PMEPA1: variants seen among roughly 807,000 people sequenced by gnomAD.
The protein encoded by PMEPA1 is prostate transmembrane protein, androgen induced 1, also known as protein TMEPAI.
In PMEPA1, 11 loss-of-function variants were observed where a neutral mutation model predicts 23.0. The ratio of observed to expected loss-of-function variants is 0.48; its 90% CI spans 0.30 to 0.79. PMEPA1 has a LOEUF of 0.79. Among genes scored for constraint, PMEPA1 ranks in the 30% least tolerant of loss-of-function variants. PMEPA1 has a pLI of 0.06. For synonymous variants in PMEPA1, 204 were observed against 166.4 expected, an observed-to-expected ratio of 1.23 and a Z score of -1.74; for missense variants, 377 against 390.9, an observed-to-expected ratio of 0.96 and a Z score of 0.30.
chr20:57,698,386 C>T (rs2071969280), intron 1 of PMEPA1, among the ~76,000 whole-genome samples: 1 of 152,186 alleles, frequency 6.6e-6, no homozygotes, highest in African/African-American at 2.4e-5. Context: ...CTTCTAAGCT[C>T]AGCCCCATAT....
intron 1 of PMEPA1, among the ~76,000 whole-genome samples, chr20:57,673,113 CCT>C (rs10581621): frequency 0.2 from 31,098 of 152,130 alleles, 3,271 homozygotes; most frequent in South Asian, 0.27. Flanking sequence ...ACCAATTGCC[CCT>C]GACTGTGGTC....
At chr20:57,667,676 C>T (rs1157512011) in intron 1 of PMEPA1, among the ~76,000 whole-genome samples, 5 of 152,218 alleles carry the variant, frequency 3.3e-5, no homozygotes, top group African/African-American at 7.2e-5. Flanking sequence ...TAGGAATTGG[C>T]GCTGTCTGAA....
At chr20:57,668,163 G>A (rs1482433179) in intron 1 of PMEPA1, among the ~76,000 whole-genome samples, 1 of 152,160 alleles carries the variant, frequency 6.6e-6, no homozygotes, top group African/African-American at 2.4e-5. Context: ...CCCATGTTGG[G>A]GAGGGACGCT....
chr20:57,673,249 C>T (rs2071593640), intron 1 of PMEPA1, among the ~76,000 whole-genome samples: 2 of 152,096 alleles, frequency 1.3e-5, no homozygotes, highest in Non-Finnish European at 2.9e-5. Context: ...GCTGCCCATT[C>T]TCGGTGGCCT....
chr20:57,684,724 T>C (rs1325036376), intron 1 of PMEPA1, among the ~76,000 whole-genome samples: 5 of 152,202 alleles, frequency 3.3e-5, no homozygotes, highest in African/African-American at 9.7e-5. Flanking sequence ...CAACTAGCCC[T>C]GATATTTTCA....
chr20:57,672,784 G>A (rs928605360), intron 1 of PMEPA1, among the ~76,000 whole-genome samples: 4 of 152,130 alleles, frequency 2.6e-5, no homozygotes, highest in African/African-American at 4.8e-5. Context: ...AACACTCAGC[G>A]GAGTAGCTTA....
chr20:57,652,997 T>A lies in PMEPA1; in HGVS notation c.318+36A>T. 1 of 1,552,288 alleles carries A rather than the reference T, an allele frequency of 6.4e-7. No individual in the cohort carries two copies. Among genetic ancestry groups the A allele is most frequent in the East Asian group, 2.3e-5 (1 of 43,206 alleles). On this transcript the variant is annotated intron_variant, in intron 3 of 3. Coordinates refer to ENST00000341744, the MANE Select transcript of PMEPA1 (RefSeq NM_020182.5). This position sits in a 1 kb window ranked among gnomAD's most constrained non-coding sequence, Gnocchi z 6.1. ...GCAGCGGGAGCAGCCCAGGGTGGGA[T>A]GGGGGTGTTGGAGGGGAGGCCGAGG...
At chr20:57,660,390 C>T (rs1159109947) in intron 1 of PMEPA1, among the ~76,000 whole-genome samples, 1 of 151,214 alleles carries the variant, frequency 6.6e-6, no homozygotes, top group African/African-American at 2.4e-5. Flanking sequence ...CCTAAGTACA[C>T]GTCAACACCA....
At chr20:57,708,919 C>T (rs1271437288) in intron 1 of PMEPA1, among the ~76,000 whole-genome samples, 2 of 152,050 alleles carry the variant, frequency 1.3e-5, no homozygotes, top group African/African-American at 2.4e-5. Flanking sequence ...GACTCAGACC[C>T]CCAGACACCC....
chr20:57,648,757 AAAC>A lies in PMEPA1; in HGVS notation c.*3293_*3295del, dbSNP rs1409223672. On this transcript the variant is annotated 3_prime_UTR_variant, in exon 4 of 4. Transcript: ENST00000341744. ...GCAAGATTTCAAGCAGTTTCCAGAA[AAAC>A]AACAACAACGACATTTTCTTTCCTT... 7.2e-5 allele frequency: 11 copies of A among 152,000 alleles called. No homozygotes were observed. In the East Asian group the frequency reaches 9.6e-4, roughly 13 times the overall value. 9.4% of individuals were successfully genotyped at this position (152,000 alleles called of 1,614,324 possible).
In PMEPA1 at chr20:57,652,536, C is replaced by T; in HGVS notation, c.381G>A (p.Arg127=). ...TGGGCTGGAAGCGGTGGAAGCGCTC[C>T]CGCTGGGCGAAGGGCGGCACGGCCA... ...DRLAVPPFAQ[R]ERFHRFQPTY... is the part of the protein sequence containing the mutation. Residue 127 remains arginine, a synonymous_variant, in exon 4 of 4, where the codon CGG becomes CGA. Coordinates refer to ENST00000341744, the MANE Select transcript of PMEPA1 (RefSeq NM_020182.5). The surrounding 1 kb of genome is among the most constrained non-coding windows in gnomAD (Gnocchi z 6.1). 6.4e-7 allele frequency: 1 copy of T among 1,553,966 alleles called. No individual in the cohort carries two copies. The highest frequency in any genetic ancestry group is 1.2e-5 in the South Asian group (1 of 81,240).
At chr20:57,689,251 T>C (rs2071843653) in intron 1 of PMEPA1, among the ~76,000 whole-genome samples, 3 of 152,078 alleles carry the variant, frequency 2.0e-5, no homozygotes, top group Non-Finnish European at 4.4e-5. Context: ...ACCCACCCCC[T>C]CTCTTCTATC....
chr20:57,688,348 T>TGTGGGGTGGA (rs113547402), intron 1 of PMEPA1, among the ~76,000 whole-genome samples: 95,079 of 151,286 alleles, frequency 0.63, 31,642 homozygotes, highest in African/African-American at 0.86. Context: ...GACACTTCTT[T>TGTGGGGTGGA]GTGGGGTGGG....
In PMEPA1 at chr20:57,652,763, GC is replaced by G. The variant is rs1901469740; in HGVS notation, c.319-166del. ...GAGCCCAGAGCCTGATCCCGCGGGG[GC>G]CCTGGCCTGGGGGGCAGCACTGCAG... On this transcript the variant is annotated intron_variant, in intron 3 of 3. Coordinates refer to ENST00000341744, the MANE Select transcript of PMEPA1 (RefSeq NM_020182.5). This position sits in a 1 kb window ranked among gnomAD's most constrained non-coding sequence, Gnocchi z 6.1. Among the ~76,000 whole-genome samples, 1 of 152,178 alleles carries G rather than the reference GC, an allele frequency of 6.6e-6. No individual in the cohort carries two copies. The highest frequency in any genetic ancestry group is 2.4e-5 in the African/African-American group (1 of 41,444).
chr20:57,652,933 C>T lies in PMEPA1; in HGVS notation c.318+100G>A, dbSNP rs1477257867. The T allele has an allele frequency of 5.1e-6, 5 of 986,178 alleles. No homozygotes were observed. The highest frequency in any genetic ancestry group is 2.6e-5 in the East Asian group (1 of 38,406). 61.1% of individuals were successfully genotyped at this position (986,178 alleles called of 1,614,324 possible). A position where few individuals can be genotyped will look rare whatever the true frequency, so the allele number is the denominator to read the frequency against. On this transcript the variant is annotated intron_variant, in intron 3 of 3. Coordinates refer to ENST00000341744, the MANE Select transcript of PMEPA1 (RefSeq NM_020182.5). This position sits in a 1 kb window ranked among gnomAD's most constrained non-coding sequence, Gnocchi z 6.1. ...GCAGCAAGGGCACTGCAGAGGAGGGCGGAGGGGTGAGCCTTTAGCAGCCCA... is the reference window on the plus strand; with the variant it reads ...GCAGCAAGGGCACTGCAGAGGAGGGTGGAGGGGTGAGCCTTTAGCAGCCCA...
intron 1 of PMEPA1, among the ~76,000 whole-genome samples, chr20:57,688,525 G>A (rs967917108): frequency 2.0e-5 from 3 of 152,172 alleles, no homozygotes; most frequent in Non-Finnish European, 4.4e-5. Context: ...AGAGTATCAG[G>A]AAGCCACAAA....
intron 1 of PMEPA1, among the ~76,000 whole-genome samples, chr20:57,678,657 C>T (rs573578836): frequency 6.6e-6 from 1 of 152,350 alleles, no homozygotes; most frequent in African/African-American, 2.4e-5. Flanking sequence ...GCAGGTCTGG[C>T]TCCCAGGTTT....
At chr20:57,710,679 A>G (rs1298157373), upstream of PMEPA1, 1 of 512,838 alleles carries the variant, frequency 1.9e-6, no homozygotes, top group East Asian at 3.4e-5. Context: ...GGGCGAATCC[A>G]CACCCATTGT....
At chr20:57,657,191 T>A (rs1327565405) in intron 2 of PMEPA1, among the ~76,000 whole-genome samples, 1 of 152,124 alleles carries the variant, frequency 6.6e-6, no homozygotes, top group Non-Finnish European at 1.5e-5. Context: ...ATCCTCCCCA[T>A]GACCACGGGC....
Sources: allele counts gnomAD v4.1 joint callset (sites outside exome capture counted in the v4.1 genomes callset), GRCh38; gene constraint gnomAD v4.1.1; non-coding constraint Gnocchi (gnomAD v3.1); transcripts MANE v1.5; gene names NCBI Gene and HGNC (gene_info 2026-07-23, HGNC 2026-07-21).